Variants in AGBL4 observed in about 807,000 individuals in gnomAD.
AGBL4 encodes the protein cytosolic carboxypeptidase 6.
A neutral mutation model predicts 66.4 loss-of-function variants in AGBL4; 58 were observed. The ratio of observed to expected loss-of-function variants is 0.87; its 90% CI spans 0.71 to 1.09. AGBL4 has a LOEUF of 1.09. Ranked by LOEUF, AGBL4 falls within the 50% of genes least tolerant of loss-of-function variation. AGBL4 has a pLI of 0.00. For synonymous variants in AGBL4, 234 were observed against 222.9 expected, an observed-to-expected ratio of 1.05 and a Z score of -0.44; for missense variants, 579 against 631.0, an observed-to-expected ratio of 0.92 and a Z score of 0.88.
intron 5 of AGBL4, among the ~76,000 whole-genome samples, chr1:48,892,928 G>T (rs1651114542): frequency 6.6e-6 from 1 of 152,016 alleles, no homozygotes; most frequent in South Asian, 2.1e-4. Flanking sequence ...AGGTACCAGG[G>T]GTTCAGACTT....
At chr1:48,824,021 C>CACAT in intron 6 of AGBL4, among the ~76,000 whole-genome samples, 1 of 152,034 alleles carries the variant, frequency 6.6e-6, no homozygotes, top group Admixed American at 6.6e-5. Context: ...TAGTTTCCTT[C>CACAT]TCCCAAGATG....
At chr1:49,295,297 G>T (rs1644620207) in intron 3 of AGBL4, among the ~76,000 whole-genome samples, 1 of 152,190 alleles carries the variant, frequency 6.6e-6, no homozygotes. Flanking sequence ...TGTTTACAAT[G>T]CAGTGTTACC....
intron 6 of AGBL4, among the ~76,000 whole-genome samples, chr1:48,852,015 C>A (rs1222470016): frequency 4.2e-5 from 3 of 71,934 alleles, no homozygotes; most frequent in African/African-American, 5.0e-5. Flanking sequence ...CAGATACGTA[C>A]TTTTTTTTTT....
At chr1:48,523,416 G>A in the AGBL4 span, among the ~76,000 whole-genome samples, 1 of 152,270 alleles carries the variant, frequency 6.6e-6, no homozygotes, top group African/African-American at 2.4e-5. Context: ...AAGTAATCCT[G>A]TGATTTAGAA....
intron 1 of AGBL4, among the ~76,000 whole-genome samples, chr1:49,953,207 C>A (rs1004233921): frequency 6.6e-6 from 1 of 151,928 alleles, no homozygotes; most frequent in African/African-American, 2.4e-5. Context: ...ATCTAAAGTA[C>A]ATATTCCCAT....
chr1:49,863,061 A>G (rs891225869), intron 1 of AGBL4, among the ~76,000 whole-genome samples: 10 of 152,214 alleles, frequency 6.6e-5, no homozygotes, highest in Non-Finnish European at 1.0e-4. Context: ...AACTACAGTA[A>G]GCAAAACAGC....
chr1:49,731,550 G>GA (rs1204851240), intron 2 of AGBL4, among the ~76,000 whole-genome samples: 35 of 151,892 alleles, frequency 2.3e-4, no homozygotes, highest in South Asian at 4.2e-4. Context: ...AAATCTCAAG[G>GA]AAAAAATAAA....
At chr1:49,094,972 C>T (rs1485619168) in intron 4 of AGBL4, among the ~76,000 whole-genome samples, 1 of 152,094 alleles carries the variant, frequency 6.6e-6, no homozygotes, top group Non-Finnish European at 1.5e-5. Flanking sequence ...AGCTGATAAG[C>T]AACTTCAGCA....
At chr1:49,924,559 T>C (rs1652578562) in intron 1 of AGBL4, among the ~76,000 whole-genome samples, 1 of 152,258 alleles carries the variant, frequency 6.6e-6, no homozygotes, top group Middle Eastern at 3.4e-3. Flanking sequence ...ATTTAGCATT[T>C]ACTATCTAGA....
chr1:48,749,231 C>T (rs576846129), intron 6 of AGBL4, among the ~76,000 whole-genome samples: 1 of 152,106 alleles, frequency 6.6e-6, no homozygotes, highest in Non-Finnish European at 1.5e-5. Flanking sequence ...TCAAATGTAT[C>T]TCTCTTTTTT....
chr1:49,343,259 A>G (rs1243239684), intron 3 of AGBL4, among the ~76,000 whole-genome samples: 1 of 152,052 alleles, frequency 6.6e-6, no homozygotes, highest in Non-Finnish European at 1.5e-5. Context: ...TTTGGGAGGA[A>G]CCTCTGTTTT....
At chr1:48,942,741 C>A (rs903782925) in intron 5 of AGBL4, among the ~76,000 whole-genome samples, 7 of 152,126 alleles carry the variant, frequency 4.6e-5, no homozygotes. Context: ...TTATAGTCAA[C>A]TCAGATTTGA....
chr1:48,930,048 C>T (rs2148901670), intron 5 of AGBL4, among the ~76,000 whole-genome samples: 1 of 152,194 alleles, frequency 6.6e-6, no homozygotes, highest in South Asian at 2.1e-4. Flanking sequence ...CCTCGTTTTT[C>T]TAGGCCTAGA....
At chr1:49,391,727 A>G (rs1204872278) in intron 3 of AGBL4, among the ~76,000 whole-genome samples, 4 of 151,954 alleles carry the variant, frequency 2.6e-5, no homozygotes, top group Admixed American at 6.6e-5. Context: ...ACACCCGGCT[A>G]ATTTTTTGTA....
At chr1:49,435,640 C>T (rs1016566596) in intron 3 of AGBL4, among the ~76,000 whole-genome samples, 2 of 152,172 alleles carry the variant, frequency 1.3e-5, no homozygotes, top group African/African-American at 4.8e-5. Flanking sequence ...TTAAGGACTT[C>T]TGAAAATATC....
chr1:48,585,547 A>G (rs1212433278), intron 11 of AGBL4: 1 of 152,326 alleles, frequency 6.6e-6, no homozygotes, highest in Admixed American at 6.5e-5. Flanking sequence ...TTTGGAACCC[A>G]CAGACCCTCT....
At chr1:48,961,242 G>T (rs1657953274) in intron 5 of AGBL4, among the ~76,000 whole-genome samples, 2 of 152,186 alleles carry the variant, frequency 1.3e-5, no homozygotes, top group Non-Finnish European at 2.9e-5. Context: ...ACAAAAATTG[G>T]AAAAGAGGAA....
chr1:48,951,672 T>G (rs1176577891), intron 5 of AGBL4, among the ~76,000 whole-genome samples: 1 of 152,148 alleles, frequency 6.6e-6, no homozygotes, highest in Non-Finnish European at 1.5e-5. Flanking sequence ...ACATTACCCA[T>G]CATGCTGGCA....
intron 2 of AGBL4, among the ~76,000 whole-genome samples, chr1:49,735,039 G>A (rs562825479): frequency 8.7e-4 from 132 of 152,130 alleles, no homozygotes; most frequent in African/African-American, 3.1e-3. Context: ...TCCAAGAAAT[G>A]GTGCCAGACA....
Sources: gnomAD v4.1 joint callset for allele counts (sites outside exome capture counted in the v4.1 genomes callset) on GRCh38, gnomAD v4.1.1 for gene constraint, MANE v1.5 for transcripts, NCBI Gene and HGNC (gene_info 2026-07-23, HGNC 2026-07-21) for gene names.